Variants in CREB5 observed in about 807,000 individuals in gnomAD.
The protein encoded by CREB5 is cyclic AMP-responsive element-binding protein 5.
In CREB5, 19 loss-of-function variants were observed where a neutral mutation model predicts 57.1. That is an observed-to-expected ratio of 0.33 (90% CI 0.23 to 0.49). The LOEUF (loss-of-function observed/expected upper bound fraction) is 0.49, where lower values mean the gene tolerates loss of function less well. CREB5 is among the 20% of genes least tolerant of loss of function. The pLI, the probability that CREB5 is intolerant of heterozygous loss-of-function variation, is 0.99. For synonymous variants in CREB5, 238 were observed against 238.3 expected, an observed-to-expected ratio of 1.00 and a Z score of 0.01; for missense variants, 579 against 671.6, an observed-to-expected ratio of 0.86 and a Z score of 1.52.
rs1320250006 is a variant in CREB5 at position 28,446,208 on chromosome 7, C to T, written c.3+33291C>T. Among the ~76,000 whole-genome samples, 64 of 152,120 alleles carry T rather than the reference C, an allele frequency of 4.2e-4. 2 individuals carry two copies. Among genetic ancestry groups the T allele is most frequent in the Admixed American group, 4.1e-3 (62 of 15,268 alleles). On this transcript the variant is annotated intron_variant, in intron 1 of 10. Transcript: ENST00000357727. The stretch of plus-strand genomic sequence containing the variant: ...TCTGTTTGTTTTGGGTCCCCCCAGC[C>T]GCCCCTCCCCTCCCCCACACTCATC...
intron 5 of CREB5, among the ~76,000 whole-genome samples, chr7:28,670,175 A>G (rs1014080488): frequency 1.3e-5 from 2 of 152,236 alleles, no homozygotes; most frequent in African/African-American, 4.8e-5. Context: ...CTATCCGTGC[A>G]TACCTATGAT....
chr7:28,504,553 C>A (rs968666149), intron 3 of CREB5, among the ~76,000 whole-genome samples: 1 of 152,310 alleles, frequency 6.6e-6, no homozygotes, highest in South Asian at 2.1e-4. Context: ...ACAGTGAGGA[C>A]CCTCTGAATG....
chr7:28,369,844 C>T (rs2127993727), intron 1 of CREB5, among the ~76,000 whole-genome samples: 1 of 152,240 alleles, frequency 6.6e-6, no homozygotes, highest in South Asian at 2.1e-4. Context: ...ATTCTGATTG[C>T]TTCACTTCAT....
At chr7:28,570,321 A>G (rs776456460) in intron 4 of CREB5, 44 bp from the exon 5 acceptor site, 1 of 1,566,944 alleles carries the variant, frequency 6.4e-7, no homozygotes. Context: ...TAGAATAAAA[A>G]CATTGACTCC....
At chr7:28,720,073 A>G (rs779562496) in intron 6 of CREB5, among the ~76,000 whole-genome samples, 16 of 152,336 alleles carry the variant, frequency 1.1e-4, no homozygotes, top group Non-Finnish European at 2.1e-4. Flanking sequence ...AAACAAACAC[A>G]AAAAATAATA....
intron 1 of CREB5, among the ~76,000 whole-genome samples, chr7:28,343,924 G>A (rs1210328466): frequency 1.3e-5 from 2 of 151,816 alleles, no homozygotes; most frequent in Non-Finnish European, 2.9e-5. Flanking sequence ...ATCTCACTGT[G>A]GTTTTTATTT....
chr7:28,651,919 G>C (rs1240836680), intron 5 of CREB5, among the ~76,000 whole-genome samples: 1 of 152,168 alleles, frequency 6.6e-6, no homozygotes, highest in Non-Finnish European at 1.5e-5. Context: ...CTGAATTCCA[G>C]TTCTGGCTCT....
At chr7:28,690,542 C>T (rs1721581410) in intron 5 of CREB5, among the ~76,000 whole-genome samples, 1 of 152,190 alleles carries the variant, frequency 6.6e-6, no homozygotes, top group African/African-American at 2.4e-5. Flanking sequence ...CTTCTACTTA[C>T]TGGCTGTGTG....
chr7:28,576,536 A>G (rs1795917503), intron 5 of CREB5, among the ~76,000 whole-genome samples: 1 of 152,224 alleles, frequency 6.6e-6, no homozygotes, highest in Non-Finnish European at 1.5e-5. Flanking sequence ...GACTGGCAGA[A>G]TCATCTACAG....
intron 7 of CREB5, among the ~76,000 whole-genome samples, chr7:28,758,189 G>C (rs1361497661): frequency 1.3e-5 from 2 of 152,204 alleles, no homozygotes; most frequent in East Asian, 3.8e-4. Flanking sequence ...GGCTCAGGTA[G>C]ACCTACTAAC....
intron 5 of CREB5, among the ~76,000 whole-genome samples, chr7:28,680,200 C>T (rs1415795069): frequency 6.6e-6 from 1 of 152,102 alleles, no homozygotes; most frequent in Non-Finnish European, 1.5e-5. Flanking sequence ...GGTCCAGTCA[C>T]CACCCTTGGT....
At chr7:28,455,568 CAGAT>C (rs1195365712) in intron 1 of CREB5, among the ~76,000 whole-genome samples, 3 of 152,166 alleles carry the variant, frequency 2.0e-5, no homozygotes, top group Non-Finnish European at 2.9e-5. Flanking sequence ...TTCAGAATCA[CAGAT>C]AGGTATGAGC....
At chr7:28,522,390 G>GTTTTTT (rs11291433) in intron 4 of CREB5, among the ~76,000 whole-genome samples, 13 of 97,606 alleles carry the variant, frequency 1.3e-4, no homozygotes, top group African/African-American at 2.2e-4. Context: ...CCTGCTCTTT[G>GTTTTTT]TTTTTTTTTT....
intron 5 of CREB5, among the ~76,000 whole-genome samples, chr7:28,614,706 A>AT (rs1274401579): frequency 6.6e-6 from 1 of 152,086 alleles, no homozygotes; most frequent in Admixed American, 6.5e-5. Flanking sequence ...AAGTTTCTTA[A>AT]TTTTTTTCTT....
At position 28,476,200 on chromosome 7, in the gene CREB5, A is replaced by G. The variant is rs550189362; in HGVS notation, c.4-11975A>G. On this transcript the variant is annotated intron_variant, in intron 1 of 10. Coordinates refer to ENST00000357727, the MANE Select transcript of CREB5 (RefSeq NM_182898.4). ...AAAATAATTCTACTTGGCAGCCTTC[A>G]AGTAAAAAGTTGGCAGATCAGGATT... 5.3e-5 allele frequency among the ~76,000 whole-genome samples: 8 copies of G among 152,306 alleles called. No homozygotes were observed. The East Asian group carries it at 9.7e-4, about 18-fold the overall frequency.
At chr7:28,559,617 T>C (rs1583626194) in intron 4 of CREB5, among the ~76,000 whole-genome samples, 1 of 152,200 alleles carries the variant, frequency 6.6e-6, no homozygotes, top group East Asian at 1.9e-4. Flanking sequence ...GCCCAGCCAA[T>C]GTTATCTTTT....
intron 4 of CREB5, among the ~76,000 whole-genome samples, chr7:28,557,483 GTT>G (rs111706648): frequency 1.3e-5 from 2 of 151,874 alleles, no homozygotes; most frequent in Non-Finnish European, 2.9e-5. Context: ...CTGTGTGTGT[GTT>G]TTTTTTAATT....
chr7:28,379,477 T>C (rs1786915341), intron 1 of CREB5, among the ~76,000 whole-genome samples: 1 of 152,250 alleles, frequency 6.6e-6, no homozygotes. Context: ...ATCATAAACA[T>C]GTTCTCTTCT....
chr7:28,320,690 G>C (rs186829610), intron 1 of CREB5, among the ~76,000 whole-genome samples: 1 of 152,222 alleles, frequency 6.6e-6, no homozygotes. Flanking sequence ...ACACTTGTCT[G>C]TTTAAGCAAA....
Sources: allele counts gnomAD v4.1 joint callset (sites outside exome capture counted in the v4.1 genomes callset), GRCh38; gene constraint gnomAD v4.1.1; transcripts MANE v1.5; gene names NCBI Gene and HGNC (gene_info 2026-07-23, HGNC 2026-07-21).